The following MAPK10 variants were observed in gnomAD, a reference collection of about 807,000 sequenced individuals.
MAPK10 encodes JNK3 alpha protein kinase.
MAPK10 carries 25 observed loss-of-function variants against 59.3 expected under a neutral mutation model. The ratio of observed to expected loss-of-function variants is 0.42; its 90% CI spans 0.31 to 0.59. The LOEUF is 0.59. Among genes scored for constraint, MAPK10 ranks in the 20% least tolerant of loss-of-function variants. The pLI is 0.15. For missense variants in MAPK10, 351 were observed against 568.9 expected, an observed-to-expected ratio of 0.62 and a Z score of 3.90; for synonymous variants, 190 against 200.5, an observed-to-expected ratio of 0.95 and a Z score of 0.44.
chr4:86,285,883 T>C (rs1255226381), intron 2 of MAPK10, among the ~76,000 whole-genome samples: 1 of 152,136 alleles, frequency 6.6e-6, no homozygotes, highest in African/African-American at 2.4e-5. Context: ...AGCTCCAATG[T>C]CTGAGGGCAG....
chr4:86,371,891 A>G (rs754004423), intron 1 of MAPK10, among the ~76,000 whole-genome samples: 1 of 152,126 alleles, frequency 6.6e-6, no homozygotes, highest in Non-Finnish European at 1.5e-5. Flanking sequence ...TTTTCAACCC[A>G]CAGACCTACA....
intron 1 of MAPK10, among the ~76,000 whole-genome samples, chr4:86,371,531 A>C (rs1290546535): frequency 6.6e-6 from 1 of 152,230 alleles, no homozygotes; most frequent in Non-Finnish European, 1.5e-5. Flanking sequence ...TATCTAACTG[A>C]AATTTCAACT....
intron 1 of MAPK10, among the ~76,000 whole-genome samples, chr4:86,540,631 T>C (rs1758613076): frequency 6.6e-6 from 1 of 151,334 alleles, no homozygotes; most frequent in Non-Finnish European, 1.5e-5. Flanking sequence ...AATCACAGAA[T>C]AAAAATAATG....
intron 1 of MAPK10, among the ~76,000 whole-genome samples, chr4:86,473,746 G>T (rs914162365): frequency 2.0e-4 from 31 of 152,192 alleles, no homozygotes; most frequent in African/African-American, 7.2e-4. Context: ...TCAGGGAGGG[G>T]TAGAAATTTG....
chr4:86,421,977 T>C (rs563091625), intron 1 of MAPK10, among the ~76,000 whole-genome samples: 1 of 152,274 alleles, frequency 6.6e-6, no homozygotes, highest in Admixed American at 6.5e-5. Flanking sequence ...GCCGCCAGTC[T>C]CAAGGCCTTT....
rs116346980 is a variant in MAPK10 at position 86,226,334 on chromosome 4, G to A, written c.-6-31927C>T. Among the ~76,000 whole-genome samples, 737 of 152,320 alleles carry A rather than the reference G, an allele frequency of 4.8e-3. 2 individuals carry two copies. Among genetic ancestry groups the A allele is most frequent in the South Asian group, 0.024 (115 of 4,830 alleles). On this transcript the variant is annotated intron_variant, in intron 2 of 13. Coordinates refer to ENST00000641462, the MANE Select transcript of MAPK10 (RefSeq NM_138982.4). ...GCCAGACTTTACCCGGTTTCAAGTG[G>A]AAAGTTGTATTTCAAGTTCATAGTG...
At chr4:86,359,153 A>G (rs988085706) in intron 1 of MAPK10, among the ~76,000 whole-genome samples, 7 of 152,118 alleles carry the variant, frequency 4.6e-5, no homozygotes, top group Non-Finnish European at 1.0e-4. Flanking sequence ...AAACATAAAT[A>G]CATACTAAAA....
At chr4:86,498,298 C>A (rs865856585) in intron 1 of MAPK10, among the ~76,000 whole-genome samples, 2 of 152,204 alleles carry the variant, frequency 1.3e-5, no homozygotes, top group Admixed American at 6.5e-5. Context: ...CCTAGGAAAC[C>A]TACTGTTACC....
intron 2 of MAPK10, among the ~76,000 whole-genome samples, chr4:86,310,591 A>G (rs1439678653): frequency 1.3e-5 from 2 of 152,178 alleles, no homozygotes; most frequent in Non-Finnish European, 2.9e-5. Context: ...ATATGATATT[A>G]CTATTGTGAA....
At chr4:86,240,516 T>G (rs1379425855) in intron 2 of MAPK10, among the ~76,000 whole-genome samples, 1 of 152,120 alleles carries the variant, frequency 6.6e-6, no homozygotes, top group Non-Finnish European at 1.5e-5. Context: ...TTTATAATTG[T>G]GGGTACTCCT....
At chr4:86,380,267 A>T (rs186970845) in intron 1 of MAPK10, among the ~76,000 whole-genome samples, 2 of 151,962 alleles carry the variant, frequency 1.3e-5, no homozygotes, top group Non-Finnish European at 2.9e-5. Context: ...CCCCCAAAAA[A>T]ACCTGTTTGT....
chr4:86,435,160 G>T (rs1329190506), intron 1 of MAPK10, among the ~76,000 whole-genome samples: 2 of 152,128 alleles, frequency 1.3e-5, no homozygotes, highest in African/African-American at 4.8e-5. Context: ...GGGAAAAAAA[G>T]AATATAAAGG....
intron 1 of MAPK10, among the ~76,000 whole-genome samples, chr4:86,480,289 C>CA (rs1753494566): frequency 6.6e-6 from 1 of 151,034 alleles, no homozygotes; most frequent in African/African-American, 2.4e-5. Flanking sequence ...CATCCTGGCT[C>CA]AAAAATCTCC....
intron 4 of MAPK10, among the ~76,000 whole-genome samples, chr4:86,155,720 C>T (rs2067568656): frequency 1.3e-5 from 2 of 152,196 alleles, no homozygotes; most frequent in Non-Finnish European, 2.9e-5. Context: ...TTTCTGAAGA[C>T]ATTAGCAATC....
chr4:86,510,695 A>T (rs773870896), intron 1 of MAPK10, among the ~76,000 whole-genome samples: 4 of 152,200 alleles, frequency 2.6e-5, no homozygotes, highest in Non-Finnish European at 4.4e-5. Context: ...ATGGAATCTA[A>T]TTCAGCCATT....
intron 1 of MAPK10, among the ~76,000 whole-genome samples, chr4:86,499,634 G>A (rs1415800990): frequency 6.6e-6 from 1 of 152,134 alleles, no homozygotes; most frequent in African/African-American, 2.4e-5. Context: ...GCTTGCTATA[G>A]CTAAGACAAC....
At chr4:86,256,427 T>C (rs1480318828) in intron 2 of MAPK10, among the ~76,000 whole-genome samples, 2 of 152,186 alleles carry the variant, frequency 1.3e-5, no homozygotes, top group Non-Finnish European at 2.9e-5. Flanking sequence ...TATCCTGTTT[T>C]AAAATTGACC....
rs546921172 is a variant in MAPK10 at position 86,467,581 on chromosome 4, G to A, written c.-262-112937C>T. Among the ~76,000 whole-genome samples, 7 of 152,148 alleles carry A rather than the reference G, an allele frequency of 4.6e-5. No individual in the cohort carries two copies. In the South Asian group the frequency reaches 1.0e-3, roughly 23 times the overall value. On this transcript the variant is annotated intron_variant, in intron 1 of 4. Coordinates refer to the MAPK10 transcript ENST00000502302. ...TGTCACCAGGCTGGAGTGGAGTGGCGCAATCTTGGCTCACTGCAACCTCCG... is the reference window on the plus strand; with the variant it reads ...TGTCACCAGGCTGGAGTGGAGTGGCACAATCTTGGCTCACTGCAACCTCCG...
At chr4:86,307,789 A>G (rs1031737) in intron 2 of MAPK10, among the ~76,000 whole-genome samples, 92,423 of 151,880 alleles carry the variant, frequency 0.61, 28,731 homozygotes, top group South Asian at 0.74. Context: ...TCCAGGGTGA[A>G]AAGTGTGTAG....
Sources: gnomAD v4.1 joint callset for allele counts (sites outside exome capture counted in the v4.1 genomes callset) on GRCh38, gnomAD v4.1.1 for gene constraint, MANE v1.5 for transcripts, NCBI Gene and HGNC (gene_info 2026-07-23, HGNC 2026-07-21) for gene names.